DNAH7: variants seen among roughly 807,000 people sequenced by gnomAD.
DNAH7 encodes the protein axonemal beta dynein heavy chain 7.
A neutral mutation model predicts 444.6 loss-of-function variants in DNAH7; 397 were observed. The ratio of observed to expected loss-of-function variants is 0.89; its 90% CI spans 0.82 to 0.97. The LOEUF (loss-of-function observed/expected upper bound fraction) is 0.97. DNAH7 is among the 50% of genes least tolerant of loss of function. DNAH7 has a pLI of 0.00. For missense variants in DNAH7, 4,902 were observed against 4,800.8 expected (o/e 1.02, Z -0.62); for synonymous variants, 1,636 against 1,624.4 (o/e 1.01, Z -0.17).
intron 51 of DNAH7, among the ~76,000 whole-genome samples, chr2:195,815,224 G>A (rs1402851215): frequency 6.6e-6 from 1 of 151,810 alleles, no homozygotes; most frequent in Non-Finnish European, 1.5e-5. Flanking sequence ...TTCAGAACTG[G>A]AAGAAATAAA....
chr2:195,895,106 G>T lies in DNAH7; in HGVS notation c.4766C>A (p.Ser1589Tyr). The T allele has an allele frequency of 6.2e-7, 1 of 1,613,700 alleles. No homozygotes were observed. The highest frequency in any genetic ancestry group is 8.5e-7 in the Non-Finnish European group (1 of 1,179,800). Residue 1589 changes from serine (S) to tyrosine (Y), a missense_variant, in exon 30 of 65, where the codon TCC (serine) becomes TAC (tyrosine). Ser to Tyr is a moderately radical substitution (Grantham distance 144). Coordinates refer to ENST00000312428, the MANE Select transcript of DNAH7 (RefSeq NM_018897.3). ...TTCATATACTTGAAGAATCTTCTCGGAAAAGAATGCAGTCATTTGCAAATT... is the reference window on the plus strand; with the variant it reads ...TTCATATACTTGAAGAATCTTCTCGTAAAAGAATGCAGTCATTTGCAAATT... ...SMNLQMTAFFSEKILQVYEMM... is the reference protein window; with the variant it reads ...SMNLQMTAFFYEKILQVYEMM...
chr2:195,824,365 T>G lies in DNAH7; in HGVS notation c.9181A>C (p.Ser3061Arg), dbSNP rs1008426661. 2.5e-6 allele frequency: 4 copies of G among 1,613,784 alleles called. No individual in the cohort carries two copies. The African/African-American group carries it at 5.3e-5, about 22-fold the overall frequency. The change falls in exon 49 of 65, where the codon AGT becomes CGT. Residue 3061 changes from serine (S) to arginine (R), a missense_variant. Physicochemically the swap from Ser to Arg is moderately radical, Grantham distance 110. Transcript: ENST00000312428. ...GAGTCCCCAAGCCGGATACATGTAC[T>G]CCCACCCTGCTTAAAGGTTTGTTTT... ...LLKQTFKQGG[S>R]TCIRLGDSTI...
Position 195,861,952 on chromosome 2 carries a change from T to C in DNAH7, c.7507-6A>G, listed in dbSNP as rs371763315. 180 of 1,603,672 alleles carry C rather than the reference T, an allele frequency of 1.1e-4. 1 individual carries two copies. Among genetic ancestry groups the C allele is most frequent in the Non-Finnish European group, 1.5e-4 (172 of 1,170,928 alleles). On this transcript the variant is annotated splice_polypyrimidine_tract_variant and splice_region_variant and intron_variant, in intron 41 of 64. Coordinates refer to ENST00000312428, the MANE Select transcript of DNAH7 (RefSeq NM_018897.3). ...AGTGCATCTTCAGGCCATGACTAAA[T>C]GTAAGATAAATGCTTTAGCATTTTA...
At chr2:196,015,282 T>C (rs1694948161) in intron 9 of DNAH7, among the ~76,000 whole-genome samples, 1 of 152,176 alleles carries the variant, frequency 6.6e-6, no homozygotes, top group Admixed American at 6.5e-5. Flanking sequence ...ATGAGTTAGG[T>C]TAAGCATCTT....
intron 16 of DNAH7, 76 bp downstream of exon 16, chr2:195,972,163 AAAT>A: frequency 8.3e-7 from 1 of 1,205,968 alleles, no homozygotes; most frequent in South Asian, 1.4e-5. Flanking sequence ...CACTCAAATA[AAAT>A]AATTGACAAT....
intron 1 of DNAH7, among the ~76,000 whole-genome samples, chr2:196,065,011 TC>T (rs1380823257): frequency 6.6e-6 from 1 of 152,196 alleles, no homozygotes; most frequent in Non-Finnish European, 1.5e-5. Context: ...TCCCTTTAAT[TC>T]CATTGGTTTA....
In DNAH7 at chr2:196,001,667, A is replaced by G. The variant is rs1293889983; in HGVS notation, c.1173+8T>C. The G allele has an allele frequency of 2.0e-6, 3 of 1,536,650 alleles. No homozygotes were observed. The highest frequency in any genetic ancestry group is 1.8e-6 in the Non-Finnish European group (2 of 1,142,374). Reference sequence around the variant, plus strand: ...TAAATACATATTGGTGAACTGAACCATACTTACTGGGGGTTGTGCAATTAA... The same window carrying G: ...TAAATACATATTGGTGAACTGAACCGTACTTACTGGGGGTTGTGCAATTAA... On this transcript the variant is annotated splice_region_variant and intron_variant, in intron 11 of 64. Transcript: ENST00000312428.
Position 196,057,969 on chromosome 2 carries a change from TTCAGTA to T in DNAH7, c.78+79_78+84del, listed in dbSNP as rs1354161972. ...ATTGTATAAAATTTAAAATCAGAAA[TTCAGTA>T]ACTTACTTTCAAGCTTGAAAAGTAG... On this transcript the variant is annotated intron_variant, in intron 2 of 64. Coordinates refer to ENST00000312428, the MANE Select transcript of DNAH7 (RefSeq NM_018897.3). The T allele has an allele frequency of 2.3e-5, 26 of 1,114,242 alleles. No homozygotes were observed. In the African/African-American group the frequency reaches 3.9e-4, roughly 17 times the overall value. 69.0% of individuals were successfully genotyped at this position (1,114,242 alleles called of 1,614,324 possible).
chr2:195,976,695 C>A (rs367968159), intron 15 of DNAH7, among the ~76,000 whole-genome samples: 1 of 149,034 alleles, frequency 6.7e-6, no homozygotes, highest in Non-Finnish European at 1.5e-5. Flanking sequence ...TTTGTGTCAC[C>A]CCTCCCCCAG....
At chr2:195,778,617 T>TA (rs1695186699) in intron 58 of DNAH7, among the ~76,000 whole-genome samples, 1 of 26,926 alleles carries the variant, frequency 3.7e-5, no homozygotes. Context: ...AGACCCTGTC[T>TA]GAAAAAAAAA....
At chr2:195,927,067 A>G (rs903058150) in intron 21 of DNAH7, among the ~76,000 whole-genome samples, 2 of 152,072 alleles carry the variant, frequency 1.3e-5, no homozygotes, top group African/African-American at 2.4e-5. Context: ...ACTCCCTCTC[A>G]ATCCTGTAGT....
intron 11 of DNAH7, 37 bp downstream of exon 11, chr2:196,001,638 T>C: frequency 2.1e-6 from 3 of 1,434,638 alleles, no homozygotes; most frequent in Non-Finnish European, 2.8e-6. Context: ...AATAAATAAA[T>C]TTGTAAATAC....
chr2:195,989,629 T>C (rs532370601), intron 12 of DNAH7, among the ~76,000 whole-genome samples: 21 of 152,314 alleles, frequency 1.4e-4, no homozygotes, highest in Admixed American at 1.2e-3. Context: ...CCAAATCTCA[T>C]GTTGAATTGT....
Position 195,974,975 on chromosome 2 carries a change from A to G in DNAH7, c.1834-2509T>C, listed in dbSNP as rs149135510. 4.4e-4 allele frequency among the ~76,000 whole-genome samples: 67 copies of G among 152,296 alleles called. 1 individual carries two copies. The East Asian group carries it at 0.01, about 24-fold the overall frequency. On this transcript the variant is annotated intron_variant, in intron 15 of 64. Transcript: ENST00000312428. ...CTTTTTTATAATTTCCTGTGTATAGAAAGTTTTGAATGATTTTTATGATTT... is the reference window on the plus strand; with the variant it reads ...CTTTTTTATAATTTCCTGTGTATAGGAAGTTTTGAATGATTTTTATGATTT...
Position 195,771,655 on chromosome 2 carries a change from C to G in DNAH7, c.11433+5G>C. The G allele has an allele frequency of 6.2e-7, 1 of 1,607,298 alleles. No homozygotes were observed. The highest frequency in any genetic ancestry group is 8.5e-7 in the Non-Finnish European group (1 of 1,174,206). Reference sequence around the variant, plus strand: ...GGGGGTTTTTTTTGGTGTTTTTCACCTTACCTTGATTGCTTTTTGAATATT... The same window carrying G: ...GGGGGTTTTTTTTGGTGTTTTTCACGTTACCTTGATTGCTTTTTGAATATT... On this transcript the variant is annotated splice_donor_5th_base_variant and intron_variant, in intron 61 of 64. Coordinates refer to ENST00000312428, the MANE Select transcript of DNAH7 (RefSeq NM_018897.3).
chr2:196,053,362 T>A (rs1447051332), intron 2 of DNAH7, among the ~76,000 whole-genome samples: 1 of 152,240 alleles, frequency 6.6e-6, no homozygotes, highest in Non-Finnish European at 1.5e-5. Flanking sequence ...CGGAAGACAG[T>A]CTCAGTTTAC....
At chr2:195,950,869 A>AAAAAAAAAAAC (rs1690197471) in intron 19 of DNAH7, among the ~76,000 whole-genome samples, 1 of 142,590 alleles carries the variant, frequency 7.0e-6, no homozygotes, top group African/African-American at 2.7e-5. Flanking sequence ...AAAAAAAAAA[A>AAAAAAAAAAAC]AAAAAAAAAA....
chr2:196,004,259 A>G (rs766154862), intron 10 of DNAH7, among the ~76,000 whole-genome samples: 4 of 152,188 alleles, frequency 2.6e-5, no homozygotes, highest in Non-Finnish European at 4.4e-5. Context: ...ACAAAGGAAT[A>G]TGGCAGTTAT....
intron 27 of DNAH7, chr2:195,904,144 T>G (rs1476910208): frequency 6.6e-6 from 1 of 151,960 alleles, no homozygotes; most frequent in Non-Finnish European, 1.5e-5. Flanking sequence ...ACAGAATCCA[T>G]CACTCAAGCC....
Sources: allele counts gnomAD v4.1 joint callset (sites outside exome capture counted in the v4.1 genomes callset), GRCh38; gene constraint gnomAD v4.1.1; transcripts MANE v1.5; gene names NCBI Gene and HGNC (gene_info 2026-07-23, HGNC 2026-07-21).